Variants in LSM12 observed in about 807,000 individuals in gnomAD.
LSM12 encodes the protein LSM12 homolog.
For missense variants in LSM12, 108 were observed against 238.9 expected (o/e 0.45, Z 3.61); for synonymous variants, 74 against 87.3 (o/e 0.85, Z 0.85).
At chr17:44,055,609 A>G in intron 2 of LSM12, among the ~76,000 whole-genome samples, 1 of 149,578 alleles carries the variant, frequency 6.7e-6, no homozygotes, top group African/African-American at 2.5e-5. Flanking sequence ...CACAGGAGGT[A>G]GAGGTTGCAG....
rs1178111902 is a variant in LSM12 at position 44,048,730 on chromosome 17, A to G, written c.259-8474T>C. ...GGCTTACTTGAAATCACTGCACATG[A>G]CAATCTGTGCTTACCTGGCTCTCCT... On this transcript the variant is annotated intron_variant, in intron 2 of 4. Coordinates refer to ENST00000293406, the MANE Select transcript of LSM12 (RefSeq NM_001371445.1). Among the ~76,000 whole-genome samples the G allele has an allele frequency of 1.3e-5, 2 of 152,188 alleles. 1 individual carries two copies. The highest frequency in any genetic ancestry group is 1.3e-4 in the Admixed American group (2 of 15,260).
chr17:44,050,963 C>A (rs1048534370), intron 2 of LSM12, among the ~76,000 whole-genome samples: 2 of 151,940 alleles, frequency 1.3e-5, no homozygotes, highest in African/African-American at 4.8e-5. Context: ...CAAAACCCTA[C>A]AAAAAATTTT....
intron 2 of LSM12, among the ~76,000 whole-genome samples, chr17:44,053,817 A>G (rs2049676530): frequency 6.6e-6 from 1 of 152,158 alleles, no homozygotes; most frequent in Admixed American, 6.6e-5. Context: ...TACCTGAGCT[A>G]GTCTTAAAAT....
intron 2 of LSM12, among the ~76,000 whole-genome samples, chr17:44,060,815 T>C (rs2049785788): frequency 6.6e-6 from 1 of 152,122 alleles, no homozygotes; most frequent in African/African-American, 2.4e-5. Flanking sequence ...AGAAGAGAAC[T>C]GCTTCTTAAC....
intron 2 of LSM12, among the ~76,000 whole-genome samples, chr17:44,045,280 C>T (rs1212979948): frequency 1.3e-5 from 2 of 152,120 alleles, no homozygotes; most frequent in African/African-American, 4.8e-5. Flanking sequence ...CCCGCCTCAG[C>T]CTCCCAAAGT....
At chr17:44,046,166 A>T (rs898663002) in intron 2 of LSM12, among the ~76,000 whole-genome samples, 1 of 149,768 alleles carries the variant, frequency 6.7e-6, no homozygotes, top group Non-Finnish European at 1.5e-5. Context: ...TGATCTCCTG[A>T]CCTCATGATC....
chr17:44,057,313 C>G (rs1319743934), intron 2 of LSM12, among the ~76,000 whole-genome samples: 1 of 150,238 alleles, frequency 6.7e-6, no homozygotes, highest in African/African-American at 2.4e-5. Context: ...CCACGCCCAG[C>G]TAATTTTTGC....
At chr17:44,062,879 C>T (rs541735384) in intron 2 of LSM12, among the ~76,000 whole-genome samples, 78 of 151,380 alleles carry the variant, frequency 5.2e-4, no homozygotes, top group African/African-American at 1.7e-3. Flanking sequence ...ACAAATTAGC[C>T]GGGTGTGACA....
intron 2 of LSM12, among the ~76,000 whole-genome samples, chr17:44,051,941 C>G (rs1691927516): frequency 6.6e-6 from 1 of 152,000 alleles, no homozygotes; most frequent in Admixed American, 6.6e-5. Flanking sequence ...AACCCCATCT[C>G]TACTAAAAAT....
At chr17:44,051,376 C>G (rs1352437570) in intron 2 of LSM12, among the ~76,000 whole-genome samples, 1 of 132,606 alleles carries the variant, frequency 7.5e-6, no homozygotes. Flanking sequence ...GGCGACAGAG[C>G]GAGACTCCGT....
chr17:44,059,409 C>T (rs2049765933), intron 2 of LSM12, among the ~76,000 whole-genome samples: 1 of 152,056 alleles, frequency 6.6e-6, no homozygotes, highest in Admixed American at 6.5e-5. Context: ...GTCAACACGG[C>T]AAAACCCCAT....
intron 2 of LSM12, among the ~76,000 whole-genome samples, chr17:44,047,546 C>G (rs1255607811): frequency 6.6e-6 from 1 of 152,044 alleles, no homozygotes; most frequent in African/African-American, 2.4e-5. Context: ...CATGCCCAGC[C>G]TGGATTGTCT....
intron 2 of LSM12, among the ~76,000 whole-genome samples, chr17:44,062,830 C>T (rs1364920754): frequency 2.6e-5 from 4 of 151,768 alleles, no homozygotes; most frequent in African/African-American, 9.7e-5. Flanking sequence ...CAAGACCAGC[C>T]TGGGCAACAG....
intron 3 of LSM12, among the ~76,000 whole-genome samples, 177 bp downstream of exon 3, chr17:44,039,967 ATTC>A (rs1207431735): frequency 2.6e-5 from 4 of 152,220 alleles, no homozygotes; most frequent in African/African-American, 9.7e-5. Flanking sequence ...TGATTACACT[ATTC>A]TTCTGTGTGG....
intron 4 of LSM12, 32 bp from the exon 5 acceptor site, chr17:44,036,332 A>T: frequency 6.2e-7 from 1 of 1,613,686 alleles, no homozygotes. Context: ...AGGTCAACAA[A>T]GGAGATGCGG....
intron 2 of LSM12, among the ~76,000 whole-genome samples, chr17:44,055,651 T>C (rs1235312913): frequency 6.7e-6 from 1 of 148,512 alleles, no homozygotes; most frequent in Admixed American, 6.8e-5. Context: ...CACTCTAGCC[T>C]GGGTGAGAGT....
intron 2 of LSM12, among the ~76,000 whole-genome samples, chr17:44,046,121 G>T (rs975895103): frequency 6.6e-6 from 1 of 151,066 alleles, no homozygotes; most frequent in African/African-American, 2.4e-5. Context: ...ATTTTTAGTA[G>T]AGACAGGGTT....
chr17:44,041,248 G>A (rs2049483212), intron 2 of LSM12, among the ~76,000 whole-genome samples: 1 of 133,474 alleles, frequency 7.5e-6, no homozygotes, highest in African/African-American at 2.8e-5. Flanking sequence ...TCCAGCCTGG[G>A]CAAAGAAGTG....
chr17:44,052,578 G>C (rs1013085751), intron 2 of LSM12, among the ~76,000 whole-genome samples: 2 of 151,908 alleles, frequency 1.3e-5, no homozygotes, highest in Non-Finnish European at 2.9e-5. Flanking sequence ...GCCCAACATG[G>C]TGAAACCCCA....
Sources: allele counts gnomAD v4.1 joint callset (sites outside exome capture counted in the v4.1 genomes callset), GRCh38; gene constraint gnomAD v4.1.1; transcripts MANE v1.5; gene names NCBI Gene and HGNC (gene_info 2026-07-23, HGNC 2026-07-21).